SFSWAP: variants seen among roughly 807,000 people sequenced by gnomAD.
SFSWAP encodes the protein splicing factor, suppressor of white-apricot homolog.
Under a neutral mutation model 100.7 loss-of-function variants are expected in SFSWAP, and 17 were observed. That is an observed-to-expected ratio of 0.17 (90% CI 0.12 to 0.25). The LOEUF (loss-of-function observed/expected upper bound fraction) is 0.25, where lower values mean the gene tolerates loss of function less well. SFSWAP is among the 10% of genes least tolerant of loss of function. The pLI, the probability that SFSWAP is intolerant of heterozygous loss-of-function variation, is 1.00. For synonymous variants in SFSWAP, 504 were observed against 510.1 expected (o/e 0.99, Z 0.16); for missense variants, 1,005 against 1,262.6 (o/e 0.80, Z 3.09).
intron 7 of SFSWAP, among the ~76,000 whole-genome samples, chr12:131,737,008 A>G (rs1334778605): frequency 6.6e-6 from 1 of 152,166 alleles, no homozygotes; most frequent in African/African-American, 2.4e-5. Context: ...TTACTAGTAT[A>G]TGGGTGAACA....
At chr12:131,740,129 T>C (rs1480531467) in intron 7 of SFSWAP, among the ~76,000 whole-genome samples, 2 of 152,126 alleles carry the variant, frequency 1.3e-5, no homozygotes, top group African/African-American at 4.8e-5. Flanking sequence ...CACTGCAGGG[T>C]GGCCCGGGGT....
intron 13 of SFSWAP, among the ~76,000 whole-genome samples, chr12:131,767,005 A>C (rs1883172911): frequency 7.2e-6 from 1 of 139,032 alleles, no homozygotes; most frequent in Admixed American, 7.3e-5. Flanking sequence ...TGCCAAGGGG[A>C]TTGCTCCCAT....
intron 13 of SFSWAP, among the ~76,000 whole-genome samples, chr12:131,775,901 C>T (rs2136251598): frequency 6.7e-6 from 1 of 149,886 alleles, no homozygotes; most frequent in South Asian, 2.1e-4. Context: ...ACCAGCCTGG[C>T]CAAAATAGCA....
At chr12:131,787,885 A>G (rs951736989) in intron 15 of SFSWAP, among the ~76,000 whole-genome samples, 13 of 152,232 alleles carry the variant, frequency 8.5e-5, no homozygotes, top group Middle Eastern at 3.2e-3. Context: ...AAACAGAAAA[A>G]TTAGCAAAGG....
At chr12:131,747,132 C>CTCG (rs1232334488) in intron 7 of SFSWAP, among the ~76,000 whole-genome samples, 1 of 150,902 alleles carries the variant, frequency 6.6e-6, no homozygotes, top group African/African-American at 2.4e-5. Context: ...TCATGCCATG[C>CTCG]TCGTTACCAT....
chr12:131,729,393 A>C (rs949901977), intron 7 of SFSWAP, among the ~76,000 whole-genome samples: 10 of 152,000 alleles, frequency 6.6e-5, no homozygotes, highest in Non-Finnish European at 1.2e-4. Context: ...GGTCTGAGCT[A>C]CTTGGGAGGC....
chr12:131,765,748 G>A (rs1223649727), intron 12 of SFSWAP, among the ~76,000 whole-genome samples: 1 of 152,082 alleles, frequency 6.6e-6, no homozygotes, highest in African/African-American at 2.4e-5. Flanking sequence ...ACTCATGCCT[G>A]TACATCTGAA....
chr12:131,746,407 G>A (rs775104684), intron 7 of SFSWAP, among the ~76,000 whole-genome samples: 20 of 152,302 alleles, frequency 1.3e-4, no homozygotes, highest in African/African-American at 4.3e-4. Context: ...AGACCCAGGC[G>A]GAGCAAGCTT....
chr12:131,788,112 T>G (rs2136273289), intron 15 of SFSWAP, among the ~76,000 whole-genome samples: 1 of 152,344 alleles, frequency 6.6e-6, no homozygotes, highest in Non-Finnish European at 1.5e-5. Flanking sequence ...GGTTAGAAAT[T>G]AATTCCGTCT....
chr12:131,753,507 C>T, intron 8 of SFSWAP, 144 bp downstream of exon 8: 1 of 1,113,162 alleles, frequency 9.0e-7, no homozygotes, highest in South Asian at 2.0e-5. Flanking sequence ...TCCAAATCCC[C>T]AAGTTACAAA....
At chr12:131,739,086 C>G (rs1424424434) in intron 7 of SFSWAP, among the ~76,000 whole-genome samples, 1 of 151,788 alleles carries the variant, frequency 6.6e-6, no homozygotes, top group Non-Finnish European at 1.5e-5. Context: ...CTATGTTGCC[C>G]AGGCTGATGT....
rs1235232867 is a variant in SFSWAP at position 131,711,857 on chromosome 12, G to A, written c.218+410G>A. ...TCTACTTGCCGCGCTCTCACTGCTC[G>A]GTGTACTGGGAGGGTACCCTGGGAG... On this transcript the variant is annotated intron_variant, in intron 1 of 17. Transcript: ENST00000261674. This position sits in a 1 kb window ranked among gnomAD's most constrained non-coding sequence, Gnocchi z 4.9. 1 of 215,408 alleles carries A rather than the reference G, an allele frequency of 4.6e-6. No individual in the cohort carries two copies. Among genetic ancestry groups the A allele is most frequent in the Non-Finnish European group, 9.6e-6 (1 of 104,232 alleles). The allele number at this position is 215,408 out of a possible 1,614,324, so 13.3% of individuals were successfully genotyped here.
chr12:131,725,525 C>A lies in SFSWAP; in HGVS notation c.727C>A (p.Leu243Met). ...GGCCCGGAACTCCCAGTTTGACTTTCTGCGCTTCGACCACTACCTCAACCC... is the reference window on the plus strand; with the variant it reads ...GGCCCGGAACTCCCAGTTTGACTTTATGCGCTTCGACCACTACCTCAACCC... ...KQARNSQFDF[L>M]RFDHYLNPYY... The change falls in exon 5 of 18, where the codon CTG (leucine) becomes ATG (methionine). Residue 243 changes from leucine (L) to methionine (M), a missense_variant. This residue lies in a region of SFSWAP where 237 missense variants were observed against 337.0 expected (regional missense o/e 0.70). Coordinates refer to ENST00000261674, the MANE Select transcript of SFSWAP (RefSeq NM_004592.4). This position sits in a 1 kb window ranked among gnomAD's most constrained non-coding sequence, Gnocchi z 4.3. 6.2e-7 allele frequency: 1 copy of A among 1,614,174 alleles called. No individual in the cohort carries two copies. The highest frequency in any genetic ancestry group is 8.5e-7 in the Non-Finnish European group (1 of 1,180,034).
chr12:131,736,667 G>A (rs551699164), intron 7 of SFSWAP, among the ~76,000 whole-genome samples: 1 of 151,950 alleles, frequency 6.6e-6, no homozygotes, highest in East Asian at 1.9e-4. Flanking sequence ...GAGGCTTCGT[G>A]TTACAGTAGA....
Position 131,799,568 on chromosome 12 carries a change from C to T in SFSWAP, c.*80C>T. On this transcript the variant is annotated 3_prime_UTR_variant, in exon 18 of 18. Coordinates refer to ENST00000261674, the MANE Select transcript of SFSWAP (RefSeq NM_004592.4). ...ACGCAGACGCCGGCCACACCATCCA[C>T]CTGGCCGCCTCCATGGACCCTTGGT... 2 of 1,171,200 alleles carry T rather than the reference C, an allele frequency of 1.7e-6. No individual in the cohort carries two copies. Among genetic ancestry groups the T allele is most frequent in the South Asian group, 1.3e-5 (1 of 75,652 alleles). 72.6% of individuals were successfully genotyped at this position (1,171,200 alleles called of 1,614,324 possible). A position where few individuals can be genotyped will look rare whatever the true frequency, so the allele number is the denominator to read the frequency against.
At chr12:131,781,718 A>G (rs1043907536) in intron 14 of SFSWAP, among the ~76,000 whole-genome samples, 2 of 152,210 alleles carry the variant, frequency 1.3e-5, no homozygotes, top group African/African-American at 4.8e-5. Flanking sequence ...GCGTCAGCAG[A>G]GCAAAGTGTT....
rs767185001 is a variant in SFSWAP at position 131,764,663 on chromosome 12, A to C, written c.1928A>C (p.Gln643Pro). Reference protein sequence around the residue: ...VVEEKKPQLTQEELEAKQAKQ... With the variant: ...VVEEKKPQLTPEELEAKQAKQ... ...GAGGAGAAGAAGCCTCAACTTACCC[A>C]GGAGGAGCTAGAAGCAAAGCAAGGT... is the stretch of plus-strand genomic sequence containing the variant. The change falls in exon 12 of 18, where the codon CAG becomes CCG. Residue 643 changes from glutamine (Q) to proline (P), a missense_variant. Coordinates refer to ENST00000261674, the MANE Select transcript of SFSWAP (RefSeq NM_004592.4). 1 of 1,613,622 alleles carries C rather than the reference A, an allele frequency of 6.2e-7. No homozygotes were observed. Among genetic ancestry groups the C allele is most frequent in the East Asian group, 2.2e-5 (1 of 44,882 alleles).
At chr12:131,785,384 C>A in intron 14 of SFSWAP, 1 of 584,418 alleles carries the variant, frequency 1.7e-6, no homozygotes, top group Non-Finnish European at 2.9e-6. Flanking sequence ...AGAAGCACAG[C>A]CTGTGGCATT....
At chr12:131,718,689 T>C (rs1457747960) in intron 3 of SFSWAP, among the ~76,000 whole-genome samples, 1 of 152,242 alleles carries the variant, frequency 6.6e-6, no homozygotes, top group Non-Finnish European at 1.5e-5. Context: ...ATTGACTACC[T>C]TATGTAGTGT....
Sources: gnomAD v4.1 joint callset for allele counts (sites outside exome capture counted in the v4.1 genomes callset) on GRCh38, gnomAD v4.1.1 for gene constraint, gnomAD v4.1.1 regional missense constraint, Gnocchi (gnomAD v3.1) non-coding constraint, MANE v1.5 for transcripts, NCBI Gene and HGNC (gene_info 2026-07-23, HGNC 2026-07-21) for gene names.